The following SIPA1L3 variants were observed in gnomAD, a reference collection of about 807,000 sequenced individuals.
SIPA1L3 encodes the protein signal induced proliferation associated 1 like 3, also known as signal-induced proliferation-associated 1-like protein 3.
In SIPA1L3, 59 loss-of-function variants were observed where a neutral mutation model predicts 150.1. The observed-to-expected ratio is 0.39, with a 90% confidence interval of 0.32 to 0.49. The LOEUF is 0.49. SIPA1L3 is among the 20% of genes least tolerant of loss of function. The pLI is 0.86. For synonymous variants in SIPA1L3, 1,070 were observed against 1,077.6 expected, an observed-to-expected ratio of 0.99 and a Z score of 0.14; for missense variants, 2,211 against 2,489.5, an observed-to-expected ratio of 0.89 and a Z score of 2.38.
At chr19:37,936,680 A>C (rs2046603647) in intron 1 of SIPA1L3, among the ~76,000 whole-genome samples, 1 of 152,228 alleles carries the variant, frequency 6.6e-6, no homozygotes, top group Non-Finnish European at 1.5e-5. Flanking sequence ...AGAGAGGTTC[A>C]GTAACTTGCC....
intron 9 of SIPA1L3, among the ~76,000 whole-genome samples, chr19:38,122,145 C>T (rs905310692): frequency 6.6e-6 from 1 of 151,832 alleles, no homozygotes; most frequent in Non-Finnish European, 1.5e-5. Context: ...TGCTTGAATC[C>T]GAGAGGCAGA....
intron 1 of SIPA1L3, among the ~76,000 whole-genome samples, chr19:38,010,827 T>C (rs1204561123): frequency 6.6e-6 from 1 of 152,200 alleles, no homozygotes; most frequent in Non-Finnish European, 1.5e-5. Flanking sequence ...CTGAGCCTCA[T>C]GTTCTCCCCT....
intron 1 of SIPA1L3, among the ~76,000 whole-genome samples, chr19:37,962,509 C>T (rs940161083): frequency 1.4e-5 from 2 of 138,542 alleles, no homozygotes; most frequent in African/African-American, 2.7e-5. Context: ...CACTCTGTTG[C>T]CCAGGCCAGA....
At chr19:38,112,372 G>T (rs1226406733) in intron 8 of SIPA1L3, among the ~76,000 whole-genome samples, 1 of 152,098 alleles carries the variant, frequency 6.6e-6, no homozygotes, top group Non-Finnish European at 1.5e-5. Flanking sequence ...AGAGGTGGAG[G>T]GTTGAGCTGG....
chr19:38,101,560 A>C (rs1402892277), intron 6 of SIPA1L3, among the ~76,000 whole-genome samples: 4 of 152,004 alleles, frequency 2.6e-5, no homozygotes, highest in Admixed American at 2.0e-4. Flanking sequence ...ACAGGTGTGC[A>C]CCACCACACT....
intron 10 of SIPA1L3, among the ~76,000 whole-genome samples, chr19:38,136,471 G>A (rs796560311): frequency 3.3e-5 from 5 of 152,098 alleles, no homozygotes; most frequent in African/African-American, 1.2e-4. Context: ...GGGCATGGTG[G>A]CAGGCGCCTG....
chr19:38,108,619 TG>T (rs993987684), intron 7 of SIPA1L3: 1 of 152,252 alleles, frequency 6.6e-6, no homozygotes, highest in African/African-American at 2.4e-5. Context: ...TAGAGCTCCG[TG>T]GGACTCCCGT....
Position 38,106,654 on chromosome 19 carries a change from A to C in SIPA1L3, c.2133+14A>C. ...AACAGGCAGCAGGTCAGTGATTTTC[A>C]GCAGAGGCACGGCTGCCGGATGTTG... On this transcript the variant is annotated intron_variant, in intron 7 of 21. Transcript: ENST00000222345. 1 of 1,580,424 alleles carries C rather than the reference A, an allele frequency of 6.3e-7. No individual in the cohort carries two copies. The highest frequency in any genetic ancestry group is 8.7e-7 in the Non-Finnish European group (1 of 1,149,478).
chr19:38,201,777 G>GCCTGATGCCTCC, intron 19 of SIPA1L3, 85 bp from the exon 20 acceptor site: 1 of 1,450,124 alleles, frequency 6.9e-7, no homozygotes, highest in Non-Finnish European at 9.2e-7. Context: ...CATCATGGAG[G>GCCTGATGCCTCC]TTTGCAGGGA....
intron 3 of SIPA1L3, among the ~76,000 whole-genome samples, chr19:38,084,757 A>C (rs1378218458): frequency 2.0e-5 from 3 of 149,308 alleles, no homozygotes; most frequent in African/African-American, 5.0e-5. Flanking sequence ...CTCCTGCCTC[A>C]GCCTCCTGAG....
At chr19:37,938,840 C>G (rs1023424887) in intron 1 of SIPA1L3, among the ~76,000 whole-genome samples, 4 of 152,070 alleles carry the variant, frequency 2.6e-5, no homozygotes, top group African/African-American at 9.7e-5. Context: ...CCAGGCTGGT[C>G]TCAAACTCCT....
chr19:38,034,500 G>A (rs1219068693), intron 2 of SIPA1L3, among the ~76,000 whole-genome samples: 3 of 146,300 alleles, frequency 2.1e-5, no homozygotes, highest in Non-Finnish European at 4.5e-5. Flanking sequence ...ACTACACTTT[G>A]TTGCCTCATA....
At chr19:38,093,539 C>G (rs1010470406) in intron 4 of SIPA1L3, among the ~76,000 whole-genome samples, 1 of 152,206 alleles carries the variant, frequency 6.6e-6, no homozygotes, top group African/African-American at 2.4e-5. Flanking sequence ...ACCACTGTTG[C>G]AGCCGATGTT....
intron 2 of SIPA1L3, among the ~76,000 whole-genome samples, chr19:38,076,143 A>T (rs988562449): frequency 6.6e-6 from 1 of 151,950 alleles, no homozygotes; most frequent in East Asian, 1.9e-4. Flanking sequence ...CTGTCTCAAA[A>T]AATAATAATA....
At position 38,177,368 on chromosome 19, in the gene SIPA1L3, A is replaced by C. The variant is rs568872770; in HGVS notation, c.4209-5151A>C. 1.7e-3 allele frequency among the ~76,000 whole-genome samples: 251 copies of C among 151,604 alleles called. 1 individual carries two copies. Among genetic ancestry groups the C allele is most frequent in the Middle Eastern group, 6.8e-3 (2 of 294 alleles). ...AGAGCAAGACTCCATCTCAAAAAAA[A>C]AAAAAAAAATTCTAGTTTATTTTGC... is the stretch of plus-strand genomic sequence containing the variant. On this transcript the variant is annotated intron_variant, in intron 15 of 21. Transcript: ENST00000222345.
chr19:37,945,844 A>G (rs1465734239), intron 1 of SIPA1L3, among the ~76,000 whole-genome samples: 1 of 152,174 alleles, frequency 6.6e-6, no homozygotes. Flanking sequence ...GCAATTCCTG[A>G]AACAGAGTGT....
intron 2 of SIPA1L3, among the ~76,000 whole-genome samples, chr19:38,060,823 C>T (rs1969430384): frequency 6.6e-6 from 1 of 152,168 alleles, no homozygotes; most frequent in Non-Finnish European, 1.5e-5. Flanking sequence ...TCCCGAGTAG[C>T]TGGGATTACA....
chr19:37,977,885 C>A (rs1051490828), intron 1 of SIPA1L3, among the ~76,000 whole-genome samples: 3 of 152,174 alleles, frequency 2.0e-5, no homozygotes, highest in Non-Finnish European at 2.9e-5. Flanking sequence ...CAGTGCCTGG[C>A]CTTTAGGAGG....
chr19:38,004,934 G>A (rs1299400484), intron 1 of SIPA1L3, among the ~76,000 whole-genome samples: 2 of 152,158 alleles, frequency 1.3e-5, no homozygotes, highest in South Asian at 2.1e-4. Context: ...ACAGACTGCT[G>A]AGCAATACAC....
Sources: gnomAD v4.1 joint callset for allele counts (sites outside exome capture counted in the v4.1 genomes callset) on GRCh38, gnomAD v4.1.1 for gene constraint, MANE v1.5 for transcripts, NCBI Gene and HGNC (gene_info 2026-07-23, HGNC 2026-07-21) for gene names.